KCNK10: variants seen among roughly 807,000 people sequenced by gnomAD.
KCNK10 encodes the protein potassium channel subfamily K member 10.
A neutral mutation model predicts 47.7 loss-of-function variants in KCNK10; 25 were observed. The ratio of observed to expected loss-of-function variants is 0.52; its 90% CI spans 0.38 to 0.73. KCNK10 has a LOEUF of 0.73. Ranked by LOEUF, KCNK10 falls within the 30% of genes least tolerant of loss-of-function variation. The pLI, the probability that KCNK10 is intolerant of heterozygous loss-of-function variation, is 0.00. For missense variants in KCNK10, 563 were observed against 714.5 expected (o/e 0.79, Z 2.42); for synonymous variants, 303 against 285.6 (o/e 1.06, Z -0.61).
In KCNK10 at chr14:88,263,538, T is replaced by G. The variant is rs770813771; in HGVS notation, c.66A>C (p.Ala22=). The change falls in exon 2 of 7, where the codon GCA becomes GCC. Residue 22 remains alanine (A), a synonymous_variant. Transcript: ENST00000319231. The part of the protein sequence containing the change: ...VNWDPKVAVP[A]AAPVCQPKSA... Reference sequence around the variant, plus strand: ...TCTTGGGCTGGCACACCGGTGCTGCTGCGGGAACGGCCACTGAGGAGTCAG... The same window carrying G: ...TCTTGGGCTGGCACACCGGTGCTGCGGCGGGAACGGCCACTGAGGAGTCAG... 2.5e-6 allele frequency: 4 copies of G among 1,611,060 alleles called. No homozygotes were observed. In the Admixed American group the frequency reaches 6.7e-5, roughly 27 times the overall value.
intron 2 of KCNK10, among the ~76,000 whole-genome samples, chr14:88,253,205 T>C (rs957951425): frequency 2.6e-5 from 4 of 152,194 alleles, no homozygotes; most frequent in Non-Finnish European, 5.9e-5. Flanking sequence ...TAAATAATGC[T>C]GACTGGAAAG....
intron 2 of KCNK10, among the ~76,000 whole-genome samples, chr14:88,242,467 T>C (rs563396365): frequency 1.6e-4 from 24 of 152,250 alleles, no homozygotes; most frequent in African/African-American, 5.3e-4. Context: ...TCATAGACAA[T>C]TGACTGGATG....
chr14:88,320,530 C>T (rs1306129955), intron 1 of KCNK10, among the ~76,000 whole-genome samples: 1 of 152,188 alleles, frequency 6.6e-6, no homozygotes, highest in Non-Finnish European at 1.5e-5. Context: ...CCTTGGATGG[C>T]TTGGGGACAT....
intron 4 of KCNK10, among the ~76,000 whole-genome samples, chr14:88,220,655 A>G (rs1220951009): frequency 6.6e-6 from 1 of 151,782 alleles, no homozygotes; most frequent in East Asian, 1.9e-4. Flanking sequence ...CTGAACATAC[A>G]CATGCAAAAA....
chr14:88,224,827 C>T (rs1885932178), intron 4 of KCNK10, among the ~76,000 whole-genome samples: 1 of 152,190 alleles, frequency 6.6e-6, no homozygotes, highest in African/African-American at 2.4e-5. Context: ...CCAGGATGGT[C>T]TTGAACTTCT....
At chr14:88,286,653 C>G (rs557452113) in intron 1 of KCNK10, among the ~76,000 whole-genome samples, 18 of 152,246 alleles carry the variant, frequency 1.2e-4, no homozygotes, top group South Asian at 4.1e-4. Flanking sequence ...GAAGTCCTCA[C>G]AATTATGGCA....
intron 2 of KCNK10, among the ~76,000 whole-genome samples, chr14:88,247,557 G>C (rs879580889): frequency 6.6e-6 from 1 of 152,228 alleles, no homozygotes; most frequent in Non-Finnish European, 1.5e-5. Flanking sequence ...CAGGCAGCAA[G>C]TTTTCATTAG....
chr14:88,256,418 C>T (rs577755619), intron 2 of KCNK10, among the ~76,000 whole-genome samples: 7 of 152,210 alleles, frequency 4.6e-5, no homozygotes, highest in South Asian at 4.1e-4. Context: ...AGAGAAGCAG[C>T]GGGGAGAGAG....
intron 4 of KCNK10, among the ~76,000 whole-genome samples, chr14:88,216,584 G>A (rs1175250920): frequency 6.6e-6 from 1 of 152,104 alleles, no homozygotes; most frequent in Admixed American, 6.6e-5. Flanking sequence ...AATGAAGGGA[G>A]GAAAGAAGGA....
At chr14:88,196,641 G>A (rs1175327829) in intron 4 of KCNK10, among the ~76,000 whole-genome samples, 1 of 152,084 alleles carries the variant, frequency 6.6e-6, no homozygotes, top group African/African-American at 2.4e-5. Context: ...CCAGGATGTC[G>A]GGGATTTTAC....
At chr14:88,325,243 A>C (rs371591759), upstream of KCNK10, among the ~76,000 whole-genome samples, 5 of 152,244 alleles carry the variant, frequency 3.3e-5, no homozygotes, top group East Asian at 7.7e-4. Flanking sequence ...TCTTCTCTTT[A>C]ACTGTTCACG....
At chr14:88,254,099 CG>C in intron 2 of KCNK10, among the ~76,000 whole-genome samples, 1 of 152,060 alleles carries the variant, frequency 6.6e-6, no homozygotes, top group Non-Finnish European at 1.5e-5. Flanking sequence ...ATGAAGGCCC[CG>C]GGACTTTCTT....
chr14:88,188,117 C>T lies in KCNK10; in HGVS notation c.869-8G>A, dbSNP rs1402175309. The T allele has an allele frequency of 6.2e-7, 1 of 1,614,100 alleles. No homozygotes were observed. Among genetic ancestry groups the T allele is most frequent in the East Asian group, 2.2e-5 (1 of 44,886 alleles). ...TGATGCCAGCGTTTCCCCCTGAAAA[C>T]AACCAAATGTTACTTTAACCATGAT... is the stretch of plus-strand genomic sequence containing the variant. On this transcript the variant is annotated splice_region_variant and splice_polypyrimidine_tract_variant and intron_variant, in intron 5 of 6. Transcript: ENST00000319231.
intron 3 of KCNK10, among the ~76,000 whole-genome samples, chr14:88,236,666 A>G (rs1004648395): frequency 3.9e-5 from 6 of 152,250 alleles, no homozygotes; most frequent in African/African-American, 1.4e-4. Flanking sequence ...AGACCACCAC[A>G]ATAAAATGAG....
intron 2 of KCNK10, among the ~76,000 whole-genome samples, chr14:88,256,823 T>G (rs1029693052): frequency 5.9e-5 from 9 of 152,120 alleles, no homozygotes; most frequent in African/African-American, 2.2e-4. Context: ...GCAGCAGCAA[T>G]AACAAGAGCT....
Position 88,188,088 on chromosome 14 carries a change from T to A in KCNK10, c.890A>T (p.Tyr297Phe), listed in dbSNP as rs751388119. The change falls in exon 6 of 7, where the codon TAT becomes TTT. Residue 297 changes from tyrosine to phenylalanine, a missense_variant. Physicochemically the swap from Tyr to Phe is conservative, Grantham distance 22. Transcript: ENST00000319231. ...CACTAGGGGCTTATACCACTCCCGA[T>A]AATTGATGCCAGCGTTTCCCCCTGA... ...FVAGGNAGIN[Y>F]REWYKPLVWF... 6.2e-7 allele frequency: 1 copy of A among 1,614,242 alleles called. No individual in the cohort carries two copies. The highest frequency in any genetic ancestry group is 1.1e-5 in the South Asian group (1 of 91,092).
At chr14:88,253,889 C>A (rs1377402031) in intron 2 of KCNK10, among the ~76,000 whole-genome samples, 2 of 152,096 alleles carry the variant, frequency 1.3e-5, no homozygotes, top group Non-Finnish European at 2.9e-5. Flanking sequence ...CAGAGTGAGA[C>A]GCCATCTTGG....
upstream of KCNK10, among the ~76,000 whole-genome samples, chr14:88,325,838 A>C (rs990345645): frequency 6.6e-6 from 1 of 152,190 alleles, no homozygotes; most frequent in African/African-American, 2.4e-5. Flanking sequence ...TTTATTGAGC[A>C]TCACTTGTGT....
intron 4 of KCNK10, among the ~76,000 whole-genome samples, chr14:88,203,255 GT>G (rs1249001943): frequency 6.6e-6 from 1 of 152,218 alleles, no homozygotes; most frequent in Non-Finnish European, 1.5e-5. Context: ...GTGTGATTTG[GT>G]CATTGTTTTT....
Sources: gnomAD v4.1 joint callset for allele counts (sites outside exome capture counted in the v4.1 genomes callset) on GRCh38, gnomAD v4.1.1 for gene constraint, MANE v1.5 for transcripts, NCBI Gene and HGNC (gene_info 2026-07-23, HGNC 2026-07-21) for gene names.